GABRB2: variants seen among roughly 807,000 people sequenced by gnomAD.
GABRB2 encodes the protein gamma-aminobutyric acid type A receptor subunit beta2.
Under a neutral mutation model 54.7 loss-of-function variants are expected in GABRB2, and 16 were observed. The observed-to-expected ratio is 0.29, with a 90% CI of 0.20 to 0.44. GABRB2 has a LOEUF of 0.44. Ranked by LOEUF, GABRB2 falls within the 20% of genes least tolerant of loss-of-function variation. The pLI, the probability that GABRB2 is intolerant of heterozygous loss-of-function variation, is 1.00. For missense variants in GABRB2, 355 were observed against 644.0 expected (o/e 0.55, Z 4.86); for synonymous variants, 244 against 233.8 (o/e 1.04, Z -0.40).
intron 3 of GABRB2, among the ~76,000 whole-genome samples, chr5:161,472,933 C>T (rs971109091): frequency 6.6e-6 from 1 of 151,848 alleles, no homozygotes. Flanking sequence ...TTACCAATTT[C>T]ATGTGGTTCA....
intron 5 of GABRB2, among the ~76,000 whole-genome samples, chr5:161,388,412 C>T (rs965080358): frequency 7.2e-5 from 11 of 151,972 alleles, no homozygotes; most frequent in Non-Finnish European, 1.2e-4. Flanking sequence ...CGAAATTTTT[C>T]AAACTGAGAG....
At chr5:161,401,664 G>A (rs2113081870) in intron 5 of GABRB2, among the ~76,000 whole-genome samples, 1 of 152,242 alleles carries the variant, frequency 6.6e-6, no homozygotes, top group Middle Eastern at 3.4e-3. Flanking sequence ...TAACATTTAA[G>A]TCGCATCAAA....
chr5:161,539,571 T>C (rs1404680909), intron 3 of GABRB2, among the ~76,000 whole-genome samples: 2 of 152,216 alleles, frequency 1.3e-5, no homozygotes, highest in Non-Finnish European at 2.9e-5. Flanking sequence ...CCTTTCTCAA[T>C]TAAAACATGG....
At chr5:161,409,630 C>A (rs557755586) in intron 5 of GABRB2, among the ~76,000 whole-genome samples, 1 of 152,060 alleles carries the variant, frequency 6.6e-6, no homozygotes, top group Non-Finnish European at 1.5e-5. Flanking sequence ...AAAACTGGAA[C>A]AAAACATACT....
At chr5:161,505,654 C>T (rs1397216162) in intron 3 of GABRB2, among the ~76,000 whole-genome samples, 2 of 152,144 alleles carry the variant, frequency 1.3e-5, no homozygotes, top group African/African-American at 4.8e-5. Flanking sequence ...TCAGTTAATA[C>T]ATTTCCGTGA....
intron 3 of GABRB2, among the ~76,000 whole-genome samples, chr5:161,535,968 C>T (rs1273441884): frequency 3.3e-5 from 5 of 152,122 alleles, no homozygotes; most frequent in Non-Finnish European, 7.4e-5. Context: ...CTGGCTTCCT[C>T]TTGTACCAGG....
At chr5:161,299,619 T>A (rs556981723) in intron 9 of GABRB2, among the ~76,000 whole-genome samples, 4 of 152,180 alleles carry the variant, frequency 2.6e-5, no homozygotes, top group African/African-American at 9.6e-5. Context: ...CCCCTGTCCC[T>A]TCCTCTTTCT....
chr5:161,510,794 T>C lies in GABRB2; in HGVS notation c.237+34433A>G, dbSNP rs567364234. On this transcript the variant is annotated intron_variant, in intron 3 of 9. Transcript: ENST00000393959. The stretch of plus-strand genomic sequence containing the variant: ...CTACCCTTATGTCCAGCATTTAGGG[T>C]TCACTTAAAAAATCATTATGGGAAG... Among the ~76,000 whole-genome samples, 33 of 151,962 alleles carry C rather than the reference T, an allele frequency of 2.2e-4. No homozygotes were observed. The South Asian group carries it at 6.6e-3, about 31-fold the overall frequency.
intron 3 of GABRB2, among the ~76,000 whole-genome samples, chr5:161,528,537 C>T (rs1419367787): frequency 1.3e-5 from 2 of 151,710 alleles, no homozygotes; most frequent in Non-Finnish European, 3.0e-5. Context: ...TCATCAGTGA[C>T]AAATTCAGGA....
chr5:161,447,825 AT>A (rs1001966584), intron 4 of GABRB2, among the ~76,000 whole-genome samples: 1 of 152,024 alleles, frequency 6.6e-6, no homozygotes, highest in Non-Finnish European at 1.5e-5. Context: ...TCTTCTACCT[AT>A]TTTTTTCTCC....
chr5:161,512,109 T>A (rs1282814063), intron 3 of GABRB2, among the ~76,000 whole-genome samples: 1 of 151,976 alleles, frequency 6.6e-6, no homozygotes, highest in Non-Finnish European at 1.5e-5. Context: ...TAAAAGTGAC[T>A]ATTCCATGCT....
At chr5:161,426,415 A>T (rs1757000333) in intron 4 of GABRB2, among the ~76,000 whole-genome samples, 1 of 152,146 alleles carries the variant, frequency 6.6e-6, no homozygotes, top group Non-Finnish European at 1.5e-5. Context: ...AAATCAGGGC[A>T]ACCAAAACTG....
chr5:161,510,806 A>C (rs919272870), intron 3 of GABRB2, among the ~76,000 whole-genome samples: 1 of 151,922 alleles, frequency 6.6e-6, no homozygotes, highest in Non-Finnish European at 1.5e-5. Context: ...CACTTAAAAA[A>C]TCATTATGGG....
intron 3 of GABRB2, among the ~76,000 whole-genome samples, chr5:161,534,662 GA>G (rs1760574334): frequency 1.3e-5 from 2 of 152,080 alleles, no homozygotes; most frequent in Non-Finnish European, 2.9e-5. Flanking sequence ...TTAACCAAGA[GA>G]AATAGAAACT....
At chr5:161,320,933 G>A (rs896944102) in intron 9 of GABRB2, among the ~76,000 whole-genome samples, 1 of 151,806 alleles carries the variant, frequency 6.6e-6, no homozygotes, top group African/African-American at 2.4e-5. Flanking sequence ...GGTTATGAAG[G>A]GTTTTTGCAA....
At position 161,289,805 on chromosome 5, in the gene GABRB2, G is replaced by C. The variant is rs1757188033; in HGVS notation, c.*4276C>G. 1 of 150,906 alleles carries C rather than the reference G, an allele frequency of 6.6e-6. No individual in the cohort carries two copies. Among genetic ancestry groups the C allele is most frequent in the South Asian group, 2.1e-4 (1 of 4,802 alleles). 9.3% of individuals were successfully genotyped at this position (150,906 alleles called of 1,614,324 possible). On this transcript the variant is annotated 3_prime_UTR_variant, in exon 10 of 10. Coordinates refer to ENST00000393959, the MANE Select transcript of GABRB2 (RefSeq NM_001371727.1). ...TGTGTGTTTGAGTGTGTGTGTGTGT[G>C]TGTGTGTGACTGTGTGTGACTGTGT...
intron 3 of GABRB2, among the ~76,000 whole-genome samples, chr5:161,536,076 A>C (rs981522751): frequency 2.0e-5 from 3 of 152,138 alleles, no homozygotes; most frequent in Admixed American, 2.0e-4. Flanking sequence ...TCAATCTTGA[A>C]ATTTCTAGCC....
At chr5:161,341,970 CAT>C (rs1754179264) in intron 5 of GABRB2, among the ~76,000 whole-genome samples, 4 of 27,908 alleles carry the variant, frequency 1.4e-4, no homozygotes, top group East Asian at 9.7e-4. Flanking sequence ...TATATATATA[CAT>C]ACTTTATTAT....
intron 5 of GABRB2, among the ~76,000 whole-genome samples, chr5:161,393,552 T>A (rs1431951540): frequency 6.6e-6 from 1 of 151,628 alleles, no homozygotes; most frequent in Non-Finnish European, 1.5e-5. Flanking sequence ...AAAATAAAAA[T>A]AAACAAAGAG....
Sources: allele counts gnomAD v4.1 joint callset (sites outside exome capture counted in the v4.1 genomes callset), GRCh38; gene constraint gnomAD v4.1.1; transcripts MANE v1.5; gene names NCBI Gene and HGNC (gene_info 2026-07-23, HGNC 2026-07-21).